The following CTNNA3 variants were observed in gnomAD, a reference collection of about 807,000 sequenced individuals.
CTNNA3 encodes the protein catenin alpha-3.
CTNNA3 carries 76 observed loss-of-function variants against 95.7 expected under a neutral mutation model. That is an observed-to-expected ratio of 0.79 (90% CI 0.66 to 0.96). CTNNA3 has a LOEUF of 0.96. Among genes scored for constraint, CTNNA3 ranks in the 40% least tolerant of loss-of-function variants. The probability of loss-of-function intolerance (pLI) is 0.00; values close to 1 mark genes in which losing one functional copy is unlikely to be tolerated. For missense variants in CTNNA3, 1,191 were observed against 1,089.8 expected (o/e 1.09, Z -1.31); for synonymous variants, 431 against 374.4 (o/e 1.15, Z -1.74).
intron 10 of CTNNA3, among the ~76,000 whole-genome samples, chr10:66,585,729 C>T (rs1348583090): frequency 1.3e-5 from 2 of 151,814 alleles, no homozygotes; most frequent in Non-Finnish European, 1.5e-5. Flanking sequence ...TAATAATCAA[C>T]TTTTTGAACT....
intron 5 of CTNNA3, among the ~76,000 whole-genome samples, chr10:67,386,182 C>A (rs778855608): frequency 5.3e-5 from 8 of 152,144 alleles, no homozygotes; most frequent in Non-Finnish European, 1.2e-4. Flanking sequence ...TTTACATTGC[C>A]ATGCACCATA....
intron 13 of CTNNA3, among the ~76,000 whole-genome samples, chr10:66,256,423 A>G (rs1376672076): frequency 6.6e-6 from 1 of 152,190 alleles, no homozygotes; most frequent in Non-Finnish European, 1.5e-5. Flanking sequence ...GGAAATATCA[A>G]AAATAAAAAA....
intron 9 of CTNNA3, among the ~76,000 whole-genome samples, chr10:66,653,921 C>T (rs1009005692): frequency 1.3e-5 from 2 of 151,980 alleles, no homozygotes; most frequent in Non-Finnish European, 2.9e-5. Context: ...TGAAATTAGA[C>T]CCTTTTCACA....
chr10:67,569,855 A>G lies in CTNNA3; in HGVS notation c.293-30186T>C, dbSNP rs186004411. ...TTGCTCTTTAAAACTAATCTTTCCA[A>G]TCATTATCTGGATCTTAGCTCATCC... On this transcript the variant is annotated intron_variant, in intron 3 of 17. Coordinates refer to ENST00000433211, the MANE Select transcript of CTNNA3 (RefSeq NM_013266.4). 1.8e-4 allele frequency among the ~76,000 whole-genome samples: 28 copies of G among 152,154 alleles called. No homozygotes were observed. In the East Asian group the frequency reaches 5.0e-3, roughly 27 times the overall value.
At chr10:67,642,849 AG>A (rs1312683833) in intron 2 of CTNNA3, among the ~76,000 whole-genome samples, 1 of 152,210 alleles carries the variant, frequency 6.6e-6, no homozygotes, top group African/African-American at 2.4e-5. Flanking sequence ...GCAGAGAAAA[AG>A]GAATGCTTTT....
intron 9 of CTNNA3, among the ~76,000 whole-genome samples, chr10:66,763,298 C>G (rs564460513): frequency 6.9e-6 from 1 of 145,580 alleles, no homozygotes; most frequent in South Asian, 2.2e-4. Flanking sequence ...TTTTCTTCTT[C>G]ATGAGATAAA....
Position 66,548,651 on chromosome 10 carries a change from T to C in CTNNA3, c.1375-27878A>G, listed in dbSNP as rs552330560. ...ATTTTGTCAGATATTTTTCTGCATG[T>C]ATTCAAGTGATCATCCAATATTTTA... On this transcript the variant is annotated intron_variant, in intron 10 of 17. Coordinates refer to ENST00000433211, the MANE Select transcript of CTNNA3 (RefSeq NM_013266.4). Among the ~76,000 whole-genome samples, 8 of 152,316 alleles carry C rather than the reference T, an allele frequency of 5.3e-5. No homozygotes were observed. The South Asian group carries it at 1.0e-3, about 20-fold the overall frequency.
intron 1 of CTNNA3, among the ~76,000 whole-genome samples, chr10:67,763,277 A>AT (rs1841472191): frequency 6.6e-6 from 1 of 151,952 alleles, no homozygotes; most frequent in South Asian, 2.1e-4. Context: ...AAAATTTAAA[A>AT]AAAAAAAAAA....
intron 9 of CTNNA3, among the ~76,000 whole-genome samples, chr10:66,765,037 G>C (rs1329610927): frequency 6.6e-6 from 1 of 152,092 alleles, no homozygotes; most frequent in Non-Finnish European, 1.5e-5. Flanking sequence ...ATCTAACAGA[G>C]TTCTTGGGAA....
chr10:66,104,010 A>G, intron 13 of CTNNA3, among the ~76,000 whole-genome samples: 1 of 152,348 alleles, frequency 6.6e-6, no homozygotes, highest in South Asian at 2.1e-4. Flanking sequence ...CTTACAGTTG[A>G]TAAATGCATT....
intron 7 of CTNNA3, among the ~76,000 whole-genome samples, chr10:66,861,869 C>T (rs907027429): frequency 6.6e-6 from 1 of 152,136 alleles, no homozygotes; most frequent in Non-Finnish European, 1.5e-5. Flanking sequence ...GTATATCTCA[C>T]ATTCATTTCA....
chr10:67,611,373 G>C (rs1843448382), intron 2 of CTNNA3, among the ~76,000 whole-genome samples: 2 of 151,974 alleles, frequency 1.3e-5, no homozygotes, highest in Admixed American at 6.6e-5. Context: ...GAGTGCCGTG[G>C]CACGATCTCC....
At chr10:67,656,845 G>C (rs1840038733) in intron 1 of CTNNA3, among the ~76,000 whole-genome samples, 1 of 152,168 alleles carries the variant, frequency 6.6e-6, no homozygotes, top group African/African-American at 2.4e-5. Context: ...AGCATAGTAA[G>C]AGAGAAAGTC....
chr10:66,446,388 C>T (rs971869605), intron 11 of CTNNA3, among the ~76,000 whole-genome samples: 1 of 151,998 alleles, frequency 6.6e-6, no homozygotes, highest in Non-Finnish European at 1.5e-5. Context: ...TAATTTTAGA[C>T]CAATATCCTT....
chr10:66,398,429 A>G (rs2092995904), intron 11 of CTNNA3, among the ~76,000 whole-genome samples: 1 of 151,846 alleles, frequency 6.6e-6, no homozygotes, highest in Non-Finnish European at 1.5e-5. Context: ...GGATCAGTGT[A>G]ATGTATCTAT....
chr10:65,989,865 A>G (rs1589222177), intron 15 of CTNNA3, among the ~76,000 whole-genome samples: 1 of 151,866 alleles, frequency 6.6e-6, no homozygotes, highest in Admixed American at 6.6e-5. Flanking sequence ...TATCCCCCCA[A>G]TCCCCAACAA....
intron 4 of CTNNA3, among the ~76,000 whole-genome samples, chr10:67,535,277 T>C (rs1840454234): frequency 6.6e-6 from 1 of 152,166 alleles, no homozygotes; most frequent in Non-Finnish European, 1.5e-5. Context: ...ATTGGTATTA[T>C]CTAAAAGAAA....
chr10:66,121,192 T>C (rs758502086), intron 13 of CTNNA3, among the ~76,000 whole-genome samples: 1 of 152,172 alleles, frequency 6.6e-6, no homozygotes, highest in Non-Finnish European at 1.5e-5. Flanking sequence ...AGCTCAAGCA[T>C]AGAAATTAAG....
At chr10:67,559,064 C>T (rs1295070116) in intron 3 of CTNNA3, among the ~76,000 whole-genome samples, 3 of 152,178 alleles carry the variant, frequency 2.0e-5, no homozygotes, top group African/African-American at 7.2e-5. Context: ...GGGCAGGGCA[C>T]AGACAAACAA....
Sources: gnomAD v4.1 joint callset for allele counts (sites outside exome capture counted in the v4.1 genomes callset) on GRCh38, gnomAD v4.1.1 for gene constraint, MANE v1.5 for transcripts, NCBI Gene and HGNC (gene_info 2026-07-23, HGNC 2026-07-21) for gene names.